PCDH15: variants seen among roughly 807,000 people sequenced by gnomAD.
The protein encoded by PCDH15 is protocadherin related 15, also known as protocadherin-15.
Under a neutral mutation model 178.5 loss-of-function variants are expected in PCDH15, and 129 were observed. The observed-to-expected ratio is 0.72, with a 90% CI of 0.63 to 0.84. PCDH15 has a LOEUF of 0.84. Among genes scored for constraint, PCDH15 ranks in the 40% least tolerant of loss-of-function variants. PCDH15 has a pLI of 0.00. For missense variants in PCDH15, 2,230 were observed against 2,099.9 expected (o/e 1.06, Z -1.21); for synonymous variants, 800 against 732.0 (o/e 1.09, Z -1.50).
chr10:54,420,827 T>A (rs1955170440), intron 3 of PCDH15, among the ~76,000 whole-genome samples: 1 of 152,080 alleles, frequency 6.6e-6, no homozygotes, highest in African/African-American at 2.4e-5. Flanking sequence ...AATCAGTATT[T>A]TTTTCTAATA....
rs566084941 is a variant in PCDH15 at position 53,806,099 on chromosome 10, T to TTTCA, written c.*476_*479dup. The TTTCA allele has an allele frequency of 6.2e-3, 947 of 153,952 alleles. 11 individuals are homozygous for TTTCA. Among genetic ancestry groups the TTTCA allele is most frequent in the African/African-American group, 0.021 (887 of 41,566 alleles). 9.5% of individuals were successfully genotyped at this position (153,952 alleles called of 1,614,324 possible). On this transcript the variant is annotated 3_prime_UTR_variant, in exon 38 of 38. Coordinates refer to ENST00000644397, the MANE Select transcript of PCDH15 (RefSeq NM_001384140.1). ...ATTTACTTTACTTTGCAATTCTAGC[T>TTTCA]TTCATTTTAAAAATTAGGGCAGTAT... is the stretch of plus-strand genomic sequence containing the variant.
intron 2 of PCDH15, among the ~76,000 whole-genome samples, chr10:55,584,100 A>C (rs1402176000): frequency 2.0e-5 from 3 of 151,924 alleles, no homozygotes; most frequent in Non-Finnish European, 4.4e-5. Context: ...TCCAAGCTGG[A>C]CAATAACTCT....
intron 2 of PCDH15, among the ~76,000 whole-genome samples, chr10:55,534,523 C>G (rs1321149886): frequency 6.6e-6 from 1 of 152,140 alleles, no homozygotes; most frequent in African/African-American, 2.4e-5. Context: ...AATGAGCTAT[C>G]ATCTCACACC....
At chr10:55,586,563 T>C (rs1842730504) in intron 2 of PCDH15, among the ~76,000 whole-genome samples, 1 of 152,126 alleles carries the variant, frequency 6.6e-6, no homozygotes, top group African/African-American at 2.4e-5. Context: ...CTAATCCTTT[T>C]GAAAATATAA....
At chr10:53,888,306 ATATGTATATATG>A (rs2081266030) in intron 26 of PCDH15, among the ~76,000 whole-genome samples, 1 of 34,338 alleles carries the variant, frequency 2.9e-5, no homozygotes, top group Non-Finnish European at 6.5e-5. Context: ...ATATATATAT[ATATGTATATATG>A]TACGTATATA....
At chr10:54,408,166 TAAA>T (rs200788397) in intron 3 of PCDH15, among the ~76,000 whole-genome samples, 4 of 148,204 alleles carry the variant, frequency 2.7e-5, no homozygotes, top group African/African-American at 9.9e-5. Context: ...GCTGTTTTTT[TAAA>T]AAAAAAAAAT....
intron 2 of PCDH15, among the ~76,000 whole-genome samples, chr10:55,437,914 C>T (rs1279573870): frequency 2.0e-5 from 3 of 149,608 alleles, no homozygotes; most frequent in Admixed American, 6.6e-5. Flanking sequence ...CTCGGCTCAC[C>T]GCAACCTCTG....
chr10:55,499,864 A>T (rs2132137941), intron 2 of PCDH15, among the ~76,000 whole-genome samples: 1 of 151,874 alleles, frequency 6.6e-6, no homozygotes, highest in South Asian at 2.1e-4. Flanking sequence ...ATCATATAAA[A>T]TAGGCTAAGT....
intron 1 of PCDH15, among the ~76,000 whole-genome samples, chr10:54,712,099 A>C (rs1014307809): frequency 6.6e-5 from 10 of 151,904 alleles, no homozygotes; most frequent in African/African-American, 2.4e-4. Context: ...CTAAATTTGA[A>C]TGTAAAGAGT....
At chr10:54,462,110 C>T (rs953462255) in intron 3 of PCDH15, among the ~76,000 whole-genome samples, 21 of 152,168 alleles carry the variant, frequency 1.4e-4, no homozygotes, top group African/African-American at 4.6e-4. Context: ...CTTTCAATTT[C>T]TCATACCATC....
intron 2 of PCDH15, among the ~76,000 whole-genome samples, chr10:54,540,245 G>T (rs1302330899): frequency 1.3e-5 from 2 of 152,028 alleles, no homozygotes; most frequent in Non-Finnish European, 2.9e-5. Flanking sequence ...AAGATCTATA[G>T]ACCACTGACT....
At chr10:53,954,609 C>A (rs568908531) in intron 23 of PCDH15, among the ~76,000 whole-genome samples, 1 of 152,304 alleles carries the variant, frequency 6.6e-6, no homozygotes, top group South Asian at 2.1e-4. Flanking sequence ...GACCAAGACA[C>A]TGCAACTTCT....
At position 54,395,274 on chromosome 10, in the gene PCDH15, T is replaced by C. The variant is rs191156531; in HGVS notation, c.158-16332A>G. On this transcript the variant is annotated intron_variant, in intron 3 of 37. Transcript: ENST00000644397. ...AGTATTAATTTGGGGAACTAATAAATGTCCATGAAATCTTCACAATCTACG... is the reference window on the plus strand; with the variant it reads ...AGTATTAATTTGGGGAACTAATAAACGTCCATGAAATCTTCACAATCTACG... Among the ~76,000 whole-genome samples the C allele has an allele frequency of 9.4e-3, 1,437 of 152,200 alleles. 23 individuals are homozygous for C. The highest frequency in any genetic ancestry group is 0.029 in the African/African-American group (1,223 of 41,520).
chr10:54,575,044 G>T (rs572611175), intron 2 of PCDH15, among the ~76,000 whole-genome samples: 3 of 141,844 alleles, frequency 2.1e-5, no homozygotes, highest in Non-Finnish European at 3.0e-5. Context: ...GTAAACTATC[G>T]CAAGAACAAA....
intron 1 of PCDH15, among the ~76,000 whole-genome samples, chr10:55,219,235 C>T (rs72803808): frequency 0.1 from 15,313 of 151,920 alleles, 1,076 homozygotes; most frequent in Non-Finnish European, 0.15. Context: ...CTATTTCTAA[C>T]GTGGCTATAC....
At chr10:55,582,623 T>TAC (rs1842642726) in intron 2 of PCDH15, among the ~76,000 whole-genome samples, 1 of 92,494 alleles carries the variant, frequency 1.1e-5, no homozygotes, top group Non-Finnish European at 2.0e-5. Flanking sequence ...TATATATATA[T>TAC]ATATATTTTT....
At chr10:54,045,228 C>T (rs974510912) in intron 18 of PCDH15, among the ~76,000 whole-genome samples, 10 of 151,980 alleles carry the variant, frequency 6.6e-5, no homozygotes, top group Admixed American at 1.3e-4. Flanking sequence ...CTTGACTAAC[C>T]CATTTGGGAA....
intron 26 of PCDH15, among the ~76,000 whole-genome samples, chr10:53,881,239 G>A (rs994174371): frequency 1.3e-5 from 2 of 151,988 alleles, no homozygotes; most frequent in Non-Finnish European, 2.9e-5. Context: ...TTACTTATAC[G>A]TGGGAGCTAA....
At chr10:54,660,539 A>G (rs1236108862) in intron 2 of PCDH15, among the ~76,000 whole-genome samples, 1 of 152,138 alleles carries the variant, frequency 6.6e-6, no homozygotes. Context: ...AGACATAGAA[A>G]GAGCTAGTAC....
Sources: gnomAD v4.1 joint callset for allele counts (sites outside exome capture counted in the v4.1 genomes callset) on GRCh38, gnomAD v4.1.1 for gene constraint, MANE v1.5 for transcripts, NCBI Gene and HGNC (gene_info 2026-07-23, HGNC 2026-07-21) for gene names.